ASGR1: variants seen among roughly 807,000 people sequenced by gnomAD.
ASGR1 encodes the protein asialoglycoprotein receptor 1, also known as C-type lectin domain family 4 member H1.
Under a neutral mutation model 33.1 loss-of-function variants are expected in ASGR1, and 35 were observed. The observed-to-expected ratio is 1.06, with a 90% CI of 0.81 to 1.40. ASGR1 has a LOEUF of 1.40. ASGR1 is among the 40% of genes most tolerant of loss of function. The pLI is 0.00. For missense variants in ASGR1, 396 were observed against 373.7 expected (o/e 1.06, Z -0.49); for synonymous variants, 142 against 152.5 (o/e 0.93, Z 0.51).
chr17:7,176,195 AC>A (rs2069202732), intron 5 of ASGR1, among the ~76,000 whole-genome samples: 1 of 140,918 alleles, frequency 7.1e-6, no homozygotes, highest in African/African-American at 2.8e-5. Context: ...ACTCACACAC[AC>A]CCCATCTCAT....
intron 5 of ASGR1, 151 bp from the exon 6 acceptor site, chr17:7,174,611 ATACACACACACACACACACTCC>A: frequency 1.5e-6 from 1 of 668,690 alleles, no homozygotes; most frequent in Non-Finnish European, 2.6e-6. Flanking sequence ...AGAGACCCCC[ATACACACACACACACACACTCC>A]TACACACACA....
chr17:7,177,108 C>T, intron 3 of ASGR1, 32 bp from the exon 4 acceptor site: 1 of 1,613,530 alleles, frequency 6.2e-7, no homozygotes, highest in Non-Finnish European at 8.5e-7. Flanking sequence ...GAGAAGAAAA[C>T]GGGATCGCTG....
At position 7,176,936 on chromosome 17, in the gene ASGR1, CCCCCAGCCCCAGCCCCAGCCCCAGCCCCG is replaced by C; in HGVS notation, c.283+16_284-36del. 6.2e-7 allele frequency: 1 copy of C among 1,608,616 alleles called. No homozygotes were observed. The highest frequency in any genetic ancestry group is 1.1e-5 in the South Asian group (1 of 90,990). On this transcript the variant is annotated intron_variant, in intron 4 of 8. Transcript: ENST00000269299. Reference sequence around the variant, plus strand: ...AGGCTCGCTCAGCGTTCCCGACAGCCCCCCAGCCCCAGCCCCAGCCCCAGCCCCGCCCCAGCGCCCTCACCCTGGGTGCT... The same window carrying C: ...AGGCTCGCTCAGCGTTCCCGACAGCCCCCCAGCGCCCTCACCCTGGGTGCT...
At chr17:7,174,920 C>A (rs1463066982) in intron 5 of ASGR1, among the ~76,000 whole-genome samples, 1 of 150,246 alleles carries the variant, frequency 6.7e-6, no homozygotes, top group East Asian at 2.0e-4. Flanking sequence ...GAACACACAA[C>A]ACACCCTAAC....
In ASGR1 at chr17:7,177,086, A is replaced by T. The variant is rs1016956127; in HGVS notation, c.188-10T>A. On this transcript the variant is annotated splice_polypyrimidine_tract_variant and intron_variant, in intron 3 of 8. Coordinates refer to ENST00000269299, the MANE Select transcript of ASGR1 (RefSeq NM_001671.5). Reference sequence around the variant, plus strand: ...TCCTGCAGCTGGGAGTCTGGCCAGGACAGCGTGCAGAGAGAAGAAAACGGG... The same window carrying T: ...TCCTGCAGCTGGGAGTCTGGCCAGGTCAGCGTGCAGAGAGAAGAAAACGGG... 1.9e-6 allele frequency: 3 copies of T among 1,613,566 alleles called. No homozygotes were observed. The highest frequency in any genetic ancestry group is 1.7e-5 in the Admixed American group (1 of 59,968).
intron 5 of ASGR1, 190 bp downstream of exon 5, chr17:7,176,638 TCA>T (rs1394115058): frequency 1.4e-6 from 1 of 705,538 alleles, no homozygotes; most frequent in Non-Finnish European, 2.3e-6. Flanking sequence ...CCTCTCATTC[TCA>T]CATCCACACA....
chr17:7,173,539 T>C lies in ASGR1; in HGVS notation c.*120A>G. On this transcript the variant is annotated 3_prime_UTR_variant, in exon 9 of 9. Transcript: ENST00000269299. The surrounding 1 kb of genome is among the most constrained non-coding windows in gnomAD (Gnocchi z 4.7). ...GCTCCTCACCTTCGGAACATCACCCTATCCTTCCCCTTCCCTTAAAATCCT... is the reference window on the plus strand; with the variant it reads ...GCTCCTCACCTTCGGAACATCACCCCATCCTTCCCCTTCCCTTAAAATCCT... 7.3e-7 allele frequency: 1 copy of C among 1,372,712 alleles called. No homozygotes were observed. Among genetic ancestry groups the C allele is most frequent in the Non-Finnish European group, 9.9e-7 (1 of 1,007,098 alleles). The allele number at this position is 1,372,712 out of a possible 1,614,324, so 85.0% of individuals were successfully genotyped here.
intron 5 of ASGR1, 31 bp from the exon 6 acceptor site, chr17:7,174,491 G>C: frequency 6.2e-7 from 1 of 1,601,322 alleles, no homozygotes; most frequent in Non-Finnish European, 8.5e-7. Context: ...GGAGCGGGAG[G>C]AGATGCGGAA....
intron 5 of ASGR1, among the ~76,000 whole-genome samples, chr17:7,174,868 CACAT>C (rs1336610293): frequency 1.3e-5 from 2 of 149,986 alleles, no homozygotes; most frequent in East Asian, 2.0e-4. Context: ...ACACACAACA[CACAT>C]AACCCACATA....
At position 7,173,455 on chromosome 17, in the gene ASGR1, T is replaced by TA. The variant is rs59892576; in HGVS notation, c.*203dup. ...GTTTAGGTATATTTCTTTTTACTCT[T>TA]AAAAAAAAAAAGTTCACAATGATAA... On this transcript the variant is annotated 3_prime_UTR_variant, in exon 9 of 9. Coordinates refer to ENST00000269299, the MANE Select transcript of ASGR1 (RefSeq NM_001671.5). This position sits in a 1 kb window ranked among gnomAD's most constrained non-coding sequence, Gnocchi z 4.7. 0.66 allele frequency: 334,575 copies of TA among 510,754 alleles called. 84,961 individuals are homozygous for TA. The highest frequency in any genetic ancestry group is 0.84 in the African/African-American group (41,917 of 50,070). The allele number at this position is 510,754 out of a possible 1,614,324, so 31.6% of individuals were successfully genotyped here.
intron 5 of ASGR1, chr17:7,176,551 A>T (rs563941463): frequency 7.1e-5 from 33 of 464,516 alleles, no homozygotes; most frequent in East Asian, 3.5e-4. Flanking sequence ...TCTCATTCTC[A>T]CACACACACA....
At chr17:7,177,157 T>G in intron 3 of ASGR1, 53 bp downstream of exon 3, 1 of 1,611,984 alleles carries the variant, frequency 6.2e-7, no homozygotes, top group Non-Finnish European at 8.5e-7. Context: ...CTTGCCACGG[T>G]CCCCCGTCAA....
At chr17:7,175,430 TACAC>T (rs902921886) in intron 5 of ASGR1, among the ~76,000 whole-genome samples, 21 of 131,824 alleles carry the variant, frequency 1.6e-4, no homozygotes, top group South Asian at 1.3e-3. Context: ...CTCACCCACA[TACAC>T]ACATTCACAC....
chr17:7,176,813 C>G lies in ASGR1; in HGVS notation c.355+17G>C. On this transcript the variant is annotated intron_variant, in intron 5 of 8. Transcript: ENST00000269299. The stretch of plus-strand genomic sequence containing the variant: ...TCTTTCACACACACACACACACACA[C>G]ACACTCCCTCTCTGACCTTCACTCA... The G allele has an allele frequency of 6.2e-7, 1 of 1,611,502 alleles. No individual in the cohort carries two copies. The highest frequency in any genetic ancestry group is 8.5e-7 in the Non-Finnish European group (1 of 1,179,970).
At position 7,174,750 on chromosome 17, in the gene ASGR1, C is replaced by T. The variant is rs573577774; in HGVS notation, c.356-290G>A. Among the ~76,000 whole-genome samples, 443 of 148,622 alleles carry T rather than the reference C, an allele frequency of 3.0e-3. 1 individual carries two copies. Among genetic ancestry groups the T allele is most frequent in the Middle Eastern group, 3.8e-3 (1 of 266 alleles). On this transcript the variant is annotated intron_variant, in intron 5 of 8. Coordinates refer to ENST00000269299, the MANE Select transcript of ASGR1 (RefSeq NM_001671.5). ...ACAACCTAACCCACATACACACACA[C>T]GGACAACACACAAAACACAACACAT...
At chr17:7,178,250 G>T in intron 2 of ASGR1, 1 of 540,264 alleles carries the variant, frequency 1.9e-6, no homozygotes, top group Non-Finnish European at 3.3e-6. Flanking sequence ...CCACACCCCC[G>T]GGTCCACCTC....
chr17:7,174,605 A>AC (rs1051584885), intron 5 of ASGR1, 145 bp from the exon 6 acceptor site: 22 of 689,812 alleles, frequency 3.2e-5, no homozygotes, highest in South Asian at 1.1e-4. Flanking sequence ...GGCCTGAGAG[A>AC]CCCCCATACA....
chr17:7,177,695 G>A (rs1227015939), intron 2 of ASGR1: 1 of 226,974 alleles, frequency 4.4e-6, no homozygotes, highest in Non-Finnish European at 8.8e-6. Context: ...CCTGAAAGTG[G>A]GGAAAGAAGG....
Position 7,173,701 on chromosome 17 carries a change from C to G in ASGR1, c.834G>C (p.Glu278Asp). The G allele has an allele frequency of 6.2e-7, 1 of 1,613,912 alleles. No individual in the cohort carries two copies. The highest frequency in any genetic ancestry group is 8.5e-7 in the Non-Finnish European group (1 of 1,180,032). ...CCTGGCTGGCCTTGTCCAGCTCTGT[C>G]TCGCAGACCCAGCGGTAGGGCCTCT... ...VCQRPYRWVCETELDKASQEP... is the reference protein window; with the variant it reads ...VCQRPYRWVCDTELDKASQEP... The change falls in exon 9 of 9, where the codon GAG (glutamate) becomes GAC (aspartate). Residue 278 changes from glutamate (E) to aspartate (D), a missense_variant. Coordinates refer to ENST00000269299, the MANE Select transcript of ASGR1 (RefSeq NM_001671.5). The surrounding 1 kb of genome is among the most constrained non-coding windows in gnomAD (Gnocchi z 4.7).
Sources: gnomAD v4.1 joint callset for allele counts (sites outside exome capture counted in the v4.1 genomes callset) on GRCh38, gnomAD v4.1.1 for gene constraint, Gnocchi (gnomAD v3.1) non-coding constraint, MANE v1.5 for transcripts, NCBI Gene and HGNC (gene_info 2026-07-23, HGNC 2026-07-21) for gene names.